TEX11: variants seen among roughly 807,000 people sequenced by gnomAD.
The protein encoded by TEX11 is testis-expressed protein 11.
A neutral mutation model predicts 84.4 loss-of-function variants in TEX11; 7 were observed. The ratio of observed to expected loss-of-function variants is 0.08; its 90% CI spans 0.05 to 0.16. TEX11 has a LOEUF of 0.16. TEX11 is among the 10% of genes least tolerant of loss of function. TEX11 has a pLI of 1.00. For missense variants in TEX11, 551 were observed against 660.5 expected, an observed-to-expected ratio of 0.83 and a Z score of 1.82; for synonymous variants, 264 against 222.8, an observed-to-expected ratio of 1.18 and a Z score of -1.64.
intron 15 of TEX11, among the ~76,000 whole-genome samples, chrX:70,674,468 T>G (rs1483684304): frequency 8.9e-6 from 1 of 112,159 alleles, no homozygotes; most frequent in Non-Finnish European, 1.9e-5. Context: ...CTTTCAGAAA[T>G]AGCCATACTG....
intron 9 of TEX11, among the ~76,000 whole-genome samples, chrX:70,753,355 A>G (rs1368919937): frequency 9.0e-6 from 1 of 111,362 alleles, no homozygotes; most frequent in Non-Finnish European, 1.9e-5. Flanking sequence ...TTAAGGAGAG[A>G]AAATCGAAGA....
intron 9 of TEX11, among the ~76,000 whole-genome samples, chrX:70,793,819 C>T (rs1259171638): frequency 2.7e-5 from 3 of 110,183 alleles, no homozygotes; most frequent in Non-Finnish European, 3.8e-5. Flanking sequence ...GTCAAACTAT[C>T]TCCCTTCACT....
chrX:70,806,315 G>T (rs1363601558), intron 9 of TEX11, among the ~76,000 whole-genome samples: 1 of 111,124 alleles, frequency 9.0e-6, no homozygotes, highest in East Asian at 2.8e-4. Flanking sequence ...AATTAGCCAC[G>T]CATGCTGGCA....
intron 8 of TEX11, among the ~76,000 whole-genome samples, chrX:70,832,610 T>G (rs2091382877): frequency 8.9e-6 from 1 of 112,032 alleles, no homozygotes; most frequent in East Asian, 2.8e-4. Context: ...ACTGGGAACA[T>G]TCTCCCTAAT....
At chrX:70,770,190 A>G (rs1310654364) in intron 9 of TEX11, among the ~76,000 whole-genome samples, 1 of 111,863 alleles carries the variant, frequency 8.9e-6, no homozygotes, top group East Asian at 2.8e-4. Flanking sequence ...CATTAAGTAC[A>G]TTAAAACTGG....
chrX:70,525,750 T>C (rs758015048), downstream of TEX11, among the ~76,000 whole-genome samples: 1 of 112,196 alleles, frequency 8.9e-6, no homozygotes, highest in South Asian at 3.7e-4. Context: ...CTGTGAAGAA[T>C]AAAACAATGC....
chrX:70,660,550 G>A (rs2089914774), intron 16 of TEX11, among the ~76,000 whole-genome samples: 1 of 111,199 alleles, frequency 9.0e-6, no homozygotes, highest in African/African-American at 3.3e-5. Flanking sequence ...GACCTACACA[G>A]GCTCGGGATC....
chrX:70,626,771 T>C (rs1427361300), intron 18 of TEX11, among the ~76,000 whole-genome samples: 1 of 112,430 alleles, frequency 8.9e-6, no homozygotes, highest in African/African-American at 3.2e-5. Context: ...GAAATGGCCT[T>C]AGTGCTACTG....
chrX:70,602,401 G>A (rs201105326), intron 24 of TEX11, among the ~76,000 whole-genome samples: 8,223 of 103,852 alleles, frequency 0.079, 819 homozygotes, highest in African/African-American at 0.26. Context: ...TTCAATATAC[G>A]CAAATCAATA....
At chrX:70,884,389 A>G (rs2091697693) in intron 2 of TEX11, among the ~76,000 whole-genome samples, 3 of 111,890 alleles carry the variant, frequency 2.7e-5, no homozygotes, top group Non-Finnish European at 1.9e-5. Flanking sequence ...AGACAACTGA[A>G]AAACAGCAGA....
intron 2 of TEX11, 117 bp from the exon 3 acceptor site, chrX:70,880,226 T>A: frequency 2.2e-6 from 1 of 456,812 alleles, no homozygotes; most frequent in Non-Finnish European, 3.3e-6. Flanking sequence ...ATGAAGGAAC[T>A]TGATCCTTAG....
chrX:70,564,172 T>A (rs974217078), intron 25 of TEX11, among the ~76,000 whole-genome samples: 1 of 112,004 alleles, frequency 8.9e-6, no homozygotes, highest in Non-Finnish European at 1.9e-5. Flanking sequence ...AATATTGCAG[T>A]AAGCTGAGAT....
chrX:70,638,747 G>A (rs1272047182), intron 17 of TEX11, among the ~76,000 whole-genome samples: 1 of 96,910 alleles, frequency 1.0e-5, no homozygotes, highest in Non-Finnish European at 2.0e-5. Context: ...GTTGCAGTGA[G>A]CCAAGATGGC....
intron 25 of TEX11, among the ~76,000 whole-genome samples, chrX:70,557,153 A>G (rs1255579111): frequency 9.1e-6 from 1 of 109,958 alleles, no homozygotes; most frequent in East Asian, 2.9e-4. Context: ...TAACAGCATC[A>G]AAAAGAAGAA....
chrX:70,864,195 C>T (rs1277429239), intron 4 of TEX11, among the ~76,000 whole-genome samples: 1 of 110,992 alleles, frequency 9.0e-6, no homozygotes, highest in Non-Finnish European at 1.9e-5. Context: ...CCCAACCTGG[C>T]AAGGCAAGCC....
intron 23 of TEX11, among the ~76,000 whole-genome samples, 173 bp from the exon 24 acceptor site, chrX:70,605,690 A>G (rs1048565369): frequency 1.2e-4 from 13 of 112,257 alleles, no homozygotes; most frequent in African/African-American, 4.2e-4. Context: ...TTTTAATTTT[A>G]TATTACTTTC....
At chrX:70,672,985 G>T in intron 15 of TEX11, 1 of 125,308 alleles carries the variant, frequency 8.0e-6, no homozygotes, top group African/African-American at 3.1e-5. Flanking sequence ...ATTGATTCTG[G>T]ACTACCTTGC....
At chrX:70,753,712 G>A (rs1315267067) in intron 9 of TEX11, among the ~76,000 whole-genome samples, 1 of 109,996 alleles carries the variant, frequency 9.1e-6, no homozygotes, top group Non-Finnish European at 1.9e-5. Context: ...GAAAAACAGG[G>A]GGAAAAATAA....
intron 17 of TEX11, among the ~76,000 whole-genome samples, chrX:70,649,210 T>C (rs940132101): frequency 8.9e-6 from 1 of 112,130 alleles, no homozygotes; most frequent in East Asian, 2.8e-4. Context: ...TAGAATGGTT[T>C]ATATTCCTTT....
Sources: allele counts gnomAD v4.1 joint callset (sites outside exome capture counted in the v4.1 genomes callset), GRCh38; gene constraint gnomAD v4.1.1; transcripts MANE v1.5; gene names NCBI Gene and HGNC (gene_info 2026-07-23, HGNC 2026-07-21).